Variants in C8orf34 observed in about 807,000 individuals in gnomAD.
C8orf34 encodes the protein uncharacterized protein C8orf34.
Under a neutral mutation model 68.3 loss-of-function variants are expected in C8orf34, and 65 were observed. That is an observed-to-expected ratio of 0.95 (90% CI 0.78 to 1.17). The LOEUF is 1.17. Ranked by LOEUF, C8orf34 falls within the 50% of genes most tolerant of loss-of-function variation. The probability of loss-of-function intolerance (pLI) is 0.00; values close to 1 mark genes in which losing one functional copy is unlikely to be tolerated. For missense variants in C8orf34, 664 were observed against 655.4 expected (o/e 1.01, Z -0.14); for synonymous variants, 244 against 241.2 (o/e 1.01, Z -0.11).
At position 68,761,483 on chromosome 8, in the gene C8orf34, C is replaced by G. The variant is rs111405969; in HGVS notation, c.1405-14916C>G. Among the ~76,000 whole-genome samples, 283 of 152,338 alleles carry G rather than the reference C, an allele frequency of 1.9e-3. 3 individuals are homozygous for G. Among genetic ancestry groups the G allele is most frequent in the African/African-American group, 6.6e-3 (276 of 41,574 alleles). On this transcript the variant is annotated intron_variant, in intron 10 of 13. Transcript: ENST00000518698. Reference sequence around the variant, plus strand: ...CATCTATAAGCCCCAATTTGACTCTCTGAAACAAACAAAAAACCGTCTAAT... The same window carrying G: ...CATCTATAAGCCCCAATTTGACTCTGTGAAACAAACAAAAAACCGTCTAAT...
chr8:68,611,201 T>C lies in C8orf34; in HGVS notation c.1106-29175T>C, dbSNP rs1017748814. On this transcript the variant is annotated intron_variant, in intron 7 of 13. Transcript: ENST00000518698. The stretch of plus-strand genomic sequence containing the variant: ...TAAGATGAGTTTTCAAGGGGATGAC[T>C]ATTCAGATAGACATTAGGGAAATCG... Among the ~76,000 whole-genome samples, 5 of 152,108 alleles carry C rather than the reference T, an allele frequency of 3.3e-5. No individual in the cohort carries two copies. The South Asian group carries it at 1.0e-3, about 31-fold the overall frequency.
intron 8 of C8orf34, among the ~76,000 whole-genome samples, chr8:68,699,610 G>T (rs1346279272): frequency 6.6e-6 from 1 of 152,032 alleles, no homozygotes; most frequent in Non-Finnish European, 1.5e-5. Flanking sequence ...AATCAATCCT[G>T]CTCCAGACTT....
chr8:68,595,137 A>AT (rs397790617), intron 7 of C8orf34, among the ~76,000 whole-genome samples: 26 of 147,948 alleles, frequency 1.8e-4, no homozygotes, highest in East Asian at 2.0e-4. Flanking sequence ...AAAAAAAAAA[A>AT]TTTTTTTTTT....
At position 68,331,068 on chromosome 8, in the gene C8orf34, TCCGGCTCTCAGCGC is replaced by T. The variant is rs200653092; in HGVS notation, c.59_72del (p.Arg20ProfsTer37). 0.014 allele frequency: 21,074 copies of T among 1,487,136 alleles called. 230 individuals are homozygous for T. Among genetic ancestry groups the T allele is most frequent in the Admixed American group, 0.045 (1,892 of 41,952 alleles). The allele number at this position is 1,487,136 out of a possible 1,614,324, so 92.1% of individuals were successfully genotyped here. A position where few individuals can be genotyped will look rare whatever the true frequency, so the allele number is the denominator to read the frequency against. On this transcript the variant is annotated frameshift_variant, in exon 1 of 14. Coordinates refer to ENST00000518698, the MANE Select transcript of C8orf34 (RefSeq NM_052958.4). LOFTEE classifies it high-confidence loss of function. ...GAGTTGGCGGCGCTGCGCCCAGGCT[TCCGGCTCTCAGCGC>T]CCCACGCGCGCGTGGCTCCCCGGGC...
At chr8:68,690,103 A>C (rs984461074) in intron 8 of C8orf34, among the ~76,000 whole-genome samples, 2 of 152,090 alleles carry the variant, frequency 1.3e-5, no homozygotes, top group African/African-American at 4.8e-5. Context: ...CTGTTATAAG[A>C]AATTAAAAAC....
chr8:68,674,957 G>A (rs1360803805), intron 8 of C8orf34, among the ~76,000 whole-genome samples: 6 of 149,966 alleles, frequency 4.0e-5, no homozygotes, highest in Admixed American at 3.3e-4. Context: ...CCTGGCAGTA[G>A]ACTTTTCAGT....
rs189865225 is a variant in C8orf34, at chr8:68,404,050, T to C, written c.328-35449T>C. ...TCTCCAACATCTGTTGTTTCCTGAC[T>C]TTTTAATGATTGCCATTCTTACTGG... is the stretch of plus-strand genomic sequence containing the variant. On this transcript the variant is annotated intron_variant, in intron 1 of 13. Coordinates refer to ENST00000518698, the MANE Select transcript of C8orf34 (RefSeq NM_052958.4). Among the ~76,000 whole-genome samples the C allele has an allele frequency of 7.9e-5, 12 of 152,338 alleles. No individual in the cohort carries two copies. The East Asian group carries it at 2.3e-3, about 29-fold the overall frequency.
rs1237671444 is a variant in C8orf34 at position 68,697,692 on chromosome 8, A to G, written c.1242-11302A>G. Among the ~76,000 whole-genome samples the G allele has an allele frequency of 3.3e-5, 5 of 152,112 alleles. No homozygotes were observed. The East Asian group carries it at 9.7e-4, about 29-fold the overall frequency. On this transcript the variant is annotated intron_variant, in intron 8 of 13. Transcript: ENST00000518698. ...AATTTTGAACTAATTTCCTGAGTAC[A>G]GTATTGGAGCTACTGATTTCCTGAC...
intron 1 of C8orf34, among the ~76,000 whole-genome samples, chr8:68,415,116 T>C (rs2129622638): frequency 6.6e-6 from 1 of 152,252 alleles, no homozygotes; most frequent in Non-Finnish European, 1.5e-5. Context: ...CCCTGGAGAC[T>C]GGTTTGTTCA....
intron 1 of C8orf34, among the ~76,000 whole-genome samples, chr8:68,415,969 C>A (rs576760018): frequency 2.0e-5 from 3 of 152,280 alleles, no homozygotes; most frequent in East Asian, 3.9e-4. Flanking sequence ...TTATTTACCC[C>A]AATTTCCTTA....
intron 5 of C8orf34, among the ~76,000 whole-genome samples, chr8:68,500,775 G>A (rs961542946): frequency 4.6e-5 from 7 of 151,988 alleles, no homozygotes; most frequent in Non-Finnish European, 1.5e-5. Context: ...ATTAACATTC[G>A]GGCAAATCAG....
intron 1 of C8orf34, among the ~76,000 whole-genome samples, chr8:68,334,562 T>C (rs1375092436): frequency 6.6e-6 from 1 of 152,098 alleles, no homozygotes; most frequent in East Asian, 1.9e-4. Context: ...AGGGCAGTTA[T>C]ATATCTTGGT....
intron 1 of C8orf34, among the ~76,000 whole-genome samples, chr8:68,385,157 G>A (rs989014004): frequency 4.6e-5 from 7 of 152,044 alleles, no homozygotes; most frequent in Non-Finnish European, 1.0e-4. Context: ...TGACAGTCAC[G>A]GTCTAAGCAC....
At chr8:68,638,576 T>C (rs1818914134) in intron 7 of C8orf34, among the ~76,000 whole-genome samples, 1 of 152,062 alleles carries the variant, frequency 6.6e-6, no homozygotes. Flanking sequence ...CTTCTCTATG[T>C]TTGATGGAGG....
intron 10 of C8orf34, among the ~76,000 whole-genome samples, chr8:68,763,056 A>G (rs1220936966): frequency 1.3e-5 from 2 of 152,194 alleles, no homozygotes; most frequent in Non-Finnish European, 2.9e-5. Flanking sequence ...AGTCTGTCCT[A>G]GGCATCAGTG....
intron 8 of C8orf34, among the ~76,000 whole-genome samples, chr8:68,700,560 A>G (rs1459040620): frequency 6.6e-6 from 1 of 152,102 alleles, no homozygotes; most frequent in Non-Finnish European, 1.5e-5. Flanking sequence ...TGAATTAGAC[A>G]GTTATTCTGG....
chr8:68,584,165 T>C (rs1226072990), intron 7 of C8orf34, among the ~76,000 whole-genome samples: 1 of 152,158 alleles, frequency 6.6e-6, no homozygotes, highest in Non-Finnish European at 1.5e-5. Context: ...CTGTTCATAA[T>C]GCATTGCACA....
At chr8:68,342,997 A>T (rs148824617) in intron 1 of C8orf34, among the ~76,000 whole-genome samples, 2 of 152,328 alleles carry the variant, frequency 1.3e-5, no homozygotes, top group East Asian at 3.9e-4. Flanking sequence ...TTTGTGTATA[A>T]GTAGAGTTTG....
intron 7 of C8orf34, among the ~76,000 whole-genome samples, chr8:68,561,891 C>T (rs1360239355): frequency 6.6e-6 from 1 of 152,178 alleles, no homozygotes; most frequent in Non-Finnish European, 1.5e-5. Context: ...TCTTGTCCCA[C>T]TGGAAGGTGG....
Sources: gnomAD v4.1 joint callset for allele counts (sites outside exome capture counted in the v4.1 genomes callset) on GRCh38, gnomAD v4.1.1 for gene constraint, MANE v1.5 for transcripts, NCBI Gene and HGNC (gene_info 2026-07-23, HGNC 2026-07-21) for gene names.